TGFB2: variants seen among roughly 807,000 people sequenced by gnomAD.
TGFB2 encodes transforming growth factor beta 2.
In TGFB2, 13 loss-of-function variants were observed where a neutral mutation model predicts 42.7. The ratio of observed to expected loss-of-function variants is 0.30; its 90% CI spans 0.20 to 0.48. The LOEUF (loss-of-function observed/expected upper bound fraction) is 0.48, where lower values mean the gene tolerates loss of function less well. Among genes scored for constraint, TGFB2 ranks in the 20% least tolerant of loss-of-function variants. TGFB2 has a pLI of 0.99. For synonymous variants in TGFB2, 193 were observed against 193.6 expected (o/e 1.00, Z 0.03); for missense variants, 390 against 517.5 (o/e 0.75, Z 2.39).
At chr1:218,352,154 G>T (rs920713677) in intron 1 of TGFB2, among the ~76,000 whole-genome samples, 37 of 144,732 alleles carry the variant, frequency 2.6e-4, no homozygotes, top group African/African-American at 9.4e-4. Flanking sequence ...CCCATTATAG[G>T]TTCAGGAGTA....
rs757201195 is a variant in TGFB2 at position 218,346,754 on chromosome 1, C to T, written c.53C>T (p.Ala18Val). 1.9e-6 allele frequency: 3 copies of T among 1,614,136 alleles called. No individual in the cohort carries two copies. The highest frequency in any genetic ancestry group is 2.2e-5 in the East Asian group (1 of 44,874). ...AFLILHLVTV[A>V]LSLSTCSTLD... is the part of the protein sequence containing the mutation. Reference sequence around the variant, plus strand: ...CTGATCCTGCATCTGGTCACGGTCGCGCTCAGCCTGTCTACCTGCAGCACA... The same window carrying T: ...CTGATCCTGCATCTGGTCACGGTCGTGCTCAGCCTGTCTACCTGCAGCACA... Residue 18 changes from alanine to valine, a missense_variant, in exon 1 of 7, where the codon GCG becomes GTG. Coordinates refer to ENST00000366930, the MANE Select transcript of TGFB2 (RefSeq NM_003238.6). The surrounding 1 kb of genome is among the most constrained non-coding windows in gnomAD (Gnocchi z 4.9).
chr1:218,405,555 T>A, intron 2 of TGFB2: 1 of 669,802 alleles, frequency 1.5e-6, no homozygotes, highest in Admixed American at 2.3e-5. Context: ...TTTTTTTAGA[T>A]ACGAGGTCTC....
intron 1 of TGFB2, among the ~76,000 whole-genome samples, chr1:218,385,534 A>G (rs990616009): frequency 1.3e-5 from 2 of 152,106 alleles, no homozygotes; most frequent in Admixed American, 6.5e-5. Flanking sequence ...TTTAGCCATG[A>G]TATTTGGGAG....
At position 218,346,647 on chromosome 1, in the gene TGFB2, TTC is replaced by T; in HGVS notation, c.-53_-52del. 6.8e-7 allele frequency: 1 copy of T among 1,469,192 alleles called. No homozygotes were observed. Among genetic ancestry groups the T allele is most frequent in the Non-Finnish European group, 9.2e-7 (1 of 1,081,454 alleles). The allele number at this position is 1,469,192 out of a possible 1,614,324, so 91.0% of individuals were successfully genotyped here. A position where few individuals can be genotyped will look rare whatever the true frequency, so the allele number is the denominator to read the frequency against. On this transcript the variant is annotated 5_prime_UTR_variant, in exon 1 of 7. Coordinates refer to ENST00000366930, the MANE Select transcript of TGFB2 (RefSeq NM_003238.6). The surrounding 1 kb of genome is among the most constrained non-coding windows in gnomAD (Gnocchi z 4.9). ...GATCTATACTTTGAGAATTGTTGAT[TTC>T]TTTTTTTTATTCTGACTTTTAAAAA...
At chr1:218,440,121 G>A (rs78286557) in intron 6 of TGFB2, among the ~76,000 whole-genome samples, 2,302 of 152,220 alleles carry the variant, frequency 0.015, 26 homozygotes, top group Middle Eastern at 0.024. Flanking sequence ...TTATAGAACC[G>A]TCTCTTCATT....
chr1:218,410,869 G>A (rs1438959460), intron 2 of TGFB2, among the ~76,000 whole-genome samples: 2 of 152,164 alleles, frequency 1.3e-5, no homozygotes, highest in African/African-American at 4.8e-5. Flanking sequence ...GAGGTAGAGG[G>A]AAAGAAAATA....
chr1:218,391,842 A>G (rs1161741667), intron 1 of TGFB2, among the ~76,000 whole-genome samples: 3 of 152,256 alleles, frequency 2.0e-5, no homozygotes, highest in Non-Finnish European at 2.9e-5. Context: ...TCATAAAAGC[A>G]TAAGTTCCAC....
chr1:218,346,780 C>T lies in TGFB2; in HGVS notation c.79C>T (p.Leu27Phe), dbSNP rs1209272897. ...GCTCAGCCTGTCTACCTGCAGCACA[C>T]TCGATATGGACCAGTTCATGCGCAA... The part of the protein sequence containing the change: ...VALSLSTCST[L>F]DMDQFMRKRI... Residue 27 changes from leucine (L) to phenylalanine (F), a missense_variant, in exon 1 of 7, where the codon CTC becomes TTC. Transcript: ENST00000366930. The surrounding 1 kb of genome is among the most constrained non-coding windows in gnomAD (Gnocchi z 4.9). 6.2e-7 allele frequency: 1 copy of T among 1,614,184 alleles called. No individual in the cohort carries two copies. The highest frequency in any genetic ancestry group is 1.1e-5 in the South Asian group (1 of 91,076).
At chr1:218,379,164 A>C (rs548503475) in intron 1 of TGFB2, among the ~76,000 whole-genome samples, 8 of 134,316 alleles carry the variant, frequency 6.0e-5, no homozygotes, top group Non-Finnish European at 6.1e-5. Context: ...ACGGAGTCTC[A>C]CTCTGTCACC....
At chr1:218,360,752 CT>C (rs1657182631) in intron 1 of TGFB2, among the ~76,000 whole-genome samples, 1 of 152,184 alleles carries the variant, frequency 6.6e-6, no homozygotes, top group African/African-American at 2.4e-5. Flanking sequence ...CTTTACATTT[CT>C]TTGTTACAAA....
intron 2 of TGFB2, among the ~76,000 whole-genome samples, chr1:218,407,295 T>C (rs1413697008): frequency 2.6e-5 from 4 of 152,254 alleles, no homozygotes; most frequent in African/African-American, 9.6e-5. Flanking sequence ...CCAAGGCTGG[T>C]CTCTTAATTC....
At chr1:218,424,419 T>C (rs546580710) in intron 2 of TGFB2, among the ~76,000 whole-genome samples, 81 of 152,352 alleles carry the variant, frequency 5.3e-4, no homozygotes, top group African/African-American at 1.8e-3. Flanking sequence ...AAATGAATTA[T>C]ATAAATACAG....
chr1:218,375,700 A>G (rs764331265), intron 1 of TGFB2, among the ~76,000 whole-genome samples: 8 of 152,156 alleles, frequency 5.3e-5, no homozygotes, highest in Non-Finnish European at 1.2e-4. Context: ...AGTCTAGAAA[A>G]GAAGAAAAGT....
intron 2 of TGFB2, among the ~76,000 whole-genome samples, chr1:218,419,527 C>T (rs1251053449): frequency 6.6e-6 from 1 of 152,220 alleles, no homozygotes; most frequent in Non-Finnish European, 1.5e-5. Flanking sequence ...ATCTCTACCT[C>T]TAGCCATAAA....
At chr1:218,360,681 A>G (rs1026017190) in intron 1 of TGFB2, among the ~76,000 whole-genome samples, 1 of 152,214 alleles carries the variant, frequency 6.6e-6, no homozygotes, top group Non-Finnish European at 1.5e-5. Flanking sequence ...AAAATAAAAT[A>G]AAATTTAAAA....
At chr1:218,352,652 G>T (rs887827978) in intron 1 of TGFB2, among the ~76,000 whole-genome samples, 3 of 152,328 alleles carry the variant, frequency 2.0e-5, no homozygotes, top group Non-Finnish European at 2.9e-5. Context: ...ATATCCAGAA[G>T]TGGGTGTTTA....
intron 2 of TGFB2, among the ~76,000 whole-genome samples, chr1:218,429,602 A>T (rs1659738415): frequency 6.6e-6 from 1 of 152,016 alleles, no homozygotes. Flanking sequence ...TCTTTTGGCT[A>T]TATATCTTAA....
At chr1:218,437,613 G>A (rs1487103944) in intron 6 of TGFB2, 117 bp downstream of exon 6, 5 of 1,097,002 alleles carry the variant, frequency 4.6e-6, no homozygotes, top group African/African-American at 1.6e-5. Context: ...ACATGTATGG[G>A]TACTGGAGAA....
intron 2 of TGFB2, among the ~76,000 whole-genome samples, chr1:218,422,374 T>G (rs567479868): frequency 6.6e-6 from 1 of 152,002 alleles, no homozygotes; most frequent in Non-Finnish European, 1.5e-5. Flanking sequence ...TGCACCACCA[T>G]GTCCAGCTAA....
Sources: gnomAD v4.1 joint callset for allele counts (sites outside exome capture counted in the v4.1 genomes callset) on GRCh38, gnomAD v4.1.1 for gene constraint, Gnocchi (gnomAD v3.1) non-coding constraint, MANE v1.5 for transcripts, NCBI Gene and HGNC (gene_info 2026-07-23, HGNC 2026-07-21) for gene names.